TCF4: variants seen among roughly 807,000 people sequenced by gnomAD.
TCF4 encodes the protein SL3-3 enhancer factor 2.
In TCF4, 3 loss-of-function variants were observed where a neutral mutation model predicts 82.1. The ratio of observed to expected loss-of-function variants is 0.04; its 90% CI spans 0.02 to 0.09. The LOEUF is 0.09. TCF4 is among the 10% of genes least tolerant of loss of function. The pLI is 1.00. For synonymous variants in TCF4, 276 were observed against 309.6 expected (o/e 0.89, Z 1.14); for missense variants, 518 against 852.7 (o/e 0.61, Z 4.89).
chr18:55,344,150 A>G (rs1210605095), intron 8 of TCF4, among the ~76,000 whole-genome samples: 1 of 152,180 alleles, frequency 6.6e-6, no homozygotes, highest in Non-Finnish European at 1.5e-5. Flanking sequence ...CTGATTCATT[A>G]CTTTCAATGA....
chr18:55,488,554 A>G (rs1306844597), intron 3 of TCF4, among the ~76,000 whole-genome samples: 3 of 152,200 alleles, frequency 2.0e-5, no homozygotes, highest in African/African-American at 7.2e-5. Context: ...CAAAAGCACA[A>G]CTTAAGCTGC....
intron 8 of TCF4, among the ~76,000 whole-genome samples, chr18:55,328,663 A>G (rs536192246): frequency 3.3e-5 from 5 of 152,324 alleles, no homozygotes; most frequent in Non-Finnish European, 5.9e-5. Context: ...AAAAAGTTAG[A>G]GGGGAAATCC....
chr18:55,460,257 CT>C lies in TCF4; in HGVS notation c.304+761del, dbSNP rs531831328. ...AACTCATGTTTACTAGAACAAAGAT[CT>C]TTTTTTTTTTCAATCAAAACTAAAG... On this transcript the variant is annotated intron_variant, in intron 5 of 19. Transcript: ENST00000354452. Among the ~76,000 whole-genome samples, 307 of 147,002 alleles carry C rather than the reference CT, an allele frequency of 2.1e-3. 1 individual carries two copies. The highest frequency in any genetic ancestry group is 5.3e-3 in the African/African-American group (215 of 40,230).
At chr18:55,251,979 G>T in intron 15 of TCF4, among the ~76,000 whole-genome samples, 1 of 115,230 alleles carries the variant, frequency 8.7e-6, no homozygotes, top group Non-Finnish European at 1.8e-5. Flanking sequence ...TTTTTATTGT[G>T]GAATGTATCA....
At chr18:55,589,501 C>A, upstream of TCF4, 1 of 1,052,348 alleles carries the variant, frequency 9.5e-7, no homozygotes, top group South Asian at 4.6e-5. Flanking sequence ...CATAAAACTG[C>A]AACAAAATTC....
intron 5 of TCF4, among the ~76,000 whole-genome samples, chr18:55,448,870 A>G (rs535727136): frequency 2.0e-5 from 3 of 152,290 alleles, no homozygotes; most frequent in African/African-American, 7.2e-5. Context: ...TTCAGAACCA[A>G]ATGAAACTCA....
chr18:55,282,319 A>G (rs1261116), intron 8 of TCF4, among the ~76,000 whole-genome samples: 15,839 of 152,042 alleles, frequency 0.1, 1,460 homozygotes, highest in African/African-American at 0.25. Flanking sequence ...ATTTTTCACC[A>G]TTTGATAGGG....
chr18:55,430,000 C>T (rs550319326), intron 5 of TCF4, among the ~76,000 whole-genome samples: 2 of 152,026 alleles, frequency 1.3e-5, no homozygotes, highest in South Asian at 2.1e-4. Context: ...TGCATATGGA[C>T]GACTGGGGGT....
chr18:55,628,661 C>T (rs929650560), intron 2 of TCF4, among the ~76,000 whole-genome samples: 4 of 152,088 alleles, frequency 2.6e-5, no homozygotes, highest in Non-Finnish European at 5.9e-5. Context: ...TATGATCATG[C>T]CCTAGGTTGA....
chr18:55,387,259 A>G (rs2146024225), intron 6 of TCF4, among the ~76,000 whole-genome samples: 1 of 152,346 alleles, frequency 6.6e-6, no homozygotes, highest in South Asian at 2.1e-4. Flanking sequence ...ATCTACTGAA[A>G]ATACAGCATT....
chr18:55,616,317 T>A (rs2097711838), intron 2 of TCF4, among the ~76,000 whole-genome samples: 1 of 152,132 alleles, frequency 6.6e-6, no homozygotes, highest in South Asian at 2.1e-4. Flanking sequence ...TTTTTAAGGT[T>A]GAGTAATATT....
intron 8 of TCF4, chr18:55,321,589 ACAATGATCACCAC>A: frequency 2.0e-6 from 3 of 1,533,510 alleles, no homozygotes; most frequent in Non-Finnish European, 2.6e-6. Context: ...AACTTTGCAA[ACAATGATCACCAC>A]CTAGGATGCT....
intron 8 of TCF4, among the ~76,000 whole-genome samples, chr18:55,307,363 G>C (rs1235801734): frequency 6.6e-6 from 1 of 152,114 alleles, no homozygotes; most frequent in Admixed American, 6.6e-5. Context: ...TGGTACGCTG[G>C]CTTCTATTTT....
At chr18:55,598,287 T>TAG (rs1181821142) in intron 2 of TCF4, among the ~76,000 whole-genome samples, 1 of 152,216 alleles carries the variant, frequency 6.6e-6, no homozygotes, top group East Asian at 1.9e-4. Flanking sequence ...ATGAGAAGGC[T>TAG]AGAGAGTAAG....
chr18:55,377,351 T>C (rs961946532), intron 6 of TCF4, among the ~76,000 whole-genome samples: 1 of 152,124 alleles, frequency 6.6e-6, no homozygotes, highest in Non-Finnish European at 1.5e-5. Context: ...TACCTTATAA[T>C]AAATATGACA....
chr18:55,438,795 C>A (rs1479428722), intron 5 of TCF4, among the ~76,000 whole-genome samples: 1 of 152,194 alleles, frequency 6.6e-6, no homozygotes, highest in Non-Finnish European at 1.5e-5. Context: ...CAGTCCCACA[C>A]AGCTGTTACA....
rs1259654270 is a variant in TCF4 at position 55,420,719 on chromosome 18, CCTG to C, written c.305-17204_305-17202del. On this transcript the variant is annotated intron_variant, in intron 5 of 19. Coordinates refer to ENST00000354452, the MANE Select transcript of TCF4 (RefSeq NM_001083962.2). The stretch of plus-strand genomic sequence containing the variant: ...CAAGGATCTGCTTCTCGGCGACTAA[CCTG>C]CTTTTTCACTTCTGCCATCACTTCC... 5.9e-5 allele frequency among the ~76,000 whole-genome samples: 9 copies of C among 152,222 alleles called. 1 individual carries two copies. In the East Asian group the frequency reaches 1.5e-3, roughly 26 times the overall value.
intron 3 of TCF4, among the ~76,000 whole-genome samples, chr18:55,529,387 C>T (rs2097031491): frequency 6.6e-6 from 1 of 152,062 alleles, no homozygotes; most frequent in Non-Finnish European, 1.5e-5. Flanking sequence ...ATATTTCATC[C>T]TTAAAAAATA....
At chr18:55,289,566 C>T (rs1190180425) in intron 8 of TCF4, among the ~76,000 whole-genome samples, 1 of 152,178 alleles carries the variant, frequency 6.6e-6, no homozygotes, top group Non-Finnish European at 1.5e-5. Flanking sequence ...AACACTTTCT[C>T]CTCCTTTAGC....
Sources: gnomAD v4.1 joint callset for allele counts (sites outside exome capture counted in the v4.1 genomes callset) on GRCh38, gnomAD v4.1.1 for gene constraint, MANE v1.5 for transcripts, NCBI Gene and HGNC (gene_info 2026-07-23, HGNC 2026-07-21) for gene names.